CCDC57: variants seen among roughly 807,000 people sequenced by gnomAD.
The protein encoded by CCDC57 is coiled-coil domain-containing protein 57.
A neutral mutation model predicts 118.9 loss-of-function variants in CCDC57; 118 were observed. The ratio of observed to expected loss-of-function variants is 0.99; its 90% CI spans 0.86 to 1.16. The LOEUF (loss-of-function observed/expected upper bound fraction) is 1.16, where lower values mean the gene tolerates loss of function less well. CCDC57 is among the 50% of genes most tolerant of loss of function. The pLI is 0.00. For missense variants in CCDC57, 1,300 were observed against 1,320.7 expected (o/e 0.98, Z 0.24); for synonymous variants, 527 against 532.9 (o/e 0.99, Z 0.15).
intron 18 of CCDC57, 109 bp downstream of exon 17, chr17:82,128,384 A>T: frequency 1.4e-6 from 1 of 696,376 alleles, no homozygotes; most frequent in Non-Finnish European, 2.4e-6. Flanking sequence ...GCACAAAGGC[A>T]GGCATGCAGA....
intron 19 of CCDC57, chr17:82,126,867 C>G (rs752622344): frequency 1.0e-6 from 1 of 985,364 alleles, no homozygotes; most frequent in Non-Finnish European, 1.2e-6. Context: ...TGAGGCACAC[C>G]CTCATGACGG....
At chr17:82,182,303 A>G (rs1408065645) in intron 9 of CCDC57, among the ~76,000 whole-genome samples, 1 of 150,184 alleles carries the variant, frequency 6.7e-6, no homozygotes, top group Middle Eastern at 3.5e-3. Context: ...AGAATGCTGG[A>G]AGGAAGAGCT....
intron 16 of CCDC57, chr17:82,135,488 A>G (rs2039019489): frequency 6.6e-6 from 1 of 152,226 alleles, no homozygotes; most frequent in Non-Finnish European, 1.5e-5. Flanking sequence ...TCTGAGGAGC[A>G]TCGCAGGATT....
intron 17 of CCDC57, among the ~76,000 whole-genome samples, chr17:82,133,559 A>C (rs921101221): frequency 7.2e-6 from 1 of 138,594 alleles, no homozygotes; most frequent in Admixed American, 7.1e-5. Context: ...ATTTGTAATG[A>C]AAAAATAAAA....
intron 16 of CCDC57, among the ~76,000 whole-genome samples, chr17:82,143,563 G>A (rs984628098): frequency 2.0e-5 from 3 of 152,068 alleles, no homozygotes; most frequent in Non-Finnish European, 4.4e-5. Flanking sequence ...CAGGGAGCAC[G>A]TCTGACATGC....
intron 1 of CCDC57, among the ~76,000 whole-genome samples, chr17:82,210,085 A>G (rs1355644138): frequency 6.6e-6 from 1 of 152,144 alleles, no homozygotes; most frequent in African/African-American, 2.4e-5. Context: ...GGGACGTGCT[A>G]TAAGGACAGA....
chr17:82,144,311 TA>T lies in CCDC57; in HGVS notation c.2455+7248del, dbSNP rs373663387. Reference sequence around the variant, plus strand: ...TGTCAGAGCGAGACCCCATCTCTTTTAAAAAAAAAAGTAGTAGAAAAATGTC... The same window carrying T: ...TGTCAGAGCGAGACCCCATCTCTTTTAAAAAAAAAGTAGTAGAAAAATGTC... On this transcript the variant is annotated intron_variant, in intron 16 of 19. Transcript: ENST00000665763. 1.8e-4 allele frequency among the ~76,000 whole-genome samples: 27 copies of T among 148,976 alleles called. No homozygotes were observed. The South Asian group carries it at 2.1e-3, about 12-fold the overall frequency.
At chr17:82,148,071 T>G (rs1598902715) in intron 16 of CCDC57, among the ~76,000 whole-genome samples, 2 of 85,222 alleles carry the variant, frequency 2.3e-5, no homozygotes, top group Admixed American at 1.3e-4. Context: ...GATGGATGGG[T>G]GGGTAGATGG....
In CCDC57 at chr17:82,171,855, T is replaced by C. The variant is rs777704415; in HGVS notation, c.1730-2A>G. The C allele has an allele frequency of 1.2e-6, 2 of 1,610,282 alleles. No homozygotes were observed. Among genetic ancestry groups the C allele is most frequent in the Non-Finnish European group, 1.7e-6 (2 of 1,177,064 alleles). The stretch of plus-strand genomic sequence containing the variant: ...CTGCTTCAAGGGCCAGAACATAATC[T>C]GCCAAAAAAACCTCCAGTGAATATA... On this transcript the variant is annotated splice_acceptor_variant, in intron 12 of 19. Coordinates refer to ENST00000665763, the Ensembl canonical transcript of CCDC57. LOFTEE classifies it high-confidence loss of function.
intron 16 of CCDC57, among the ~76,000 whole-genome samples, chr17:82,141,750 C>T (rs1321142182): frequency 6.6e-6 from 1 of 152,160 alleles, no homozygotes; most frequent in Non-Finnish European, 1.5e-5. Flanking sequence ...CAACATCCGA[C>T]ATCCGCACAT....
intron 19 of CCDC57, among the ~76,000 whole-genome samples, chr17:82,123,074 C>T (rs1296136812): frequency 6.6e-6 from 1 of 151,704 alleles, no homozygotes; most frequent in Non-Finnish European, 1.5e-5. Context: ...ACTGGACCTA[C>T]CTGTAGCGTT....
exon 3 of CCDC57, chr17:82,201,884 A>G (rs769129138): frequency 2.5e-6 from 4 of 1,609,024 alleles, no homozygotes; most frequent in East Asian, 2.2e-5. Flanking sequence ...AGCGCCCTCC[A>G]CTCCTCCTCC....
chr17:82,174,535 C>T (rs970948912), intron 11 of CCDC57, among the ~76,000 whole-genome samples: 3 of 152,214 alleles, frequency 2.0e-5, no homozygotes, highest in Admixed American at 6.5e-5. Flanking sequence ...AACCCCCTTC[C>T]GCAAGGAGTT....
rs752264520 is a variant in CCDC57, at chr17:82,201,826, C to G, written c.119G>C (p.Arg40Pro). The change falls in exon 3 of 20, where the codon CGG (arginine) becomes CCG (proline). Residue 40 changes from arginine to proline, a missense_variant. By Grantham distance (103) the Arg-to-Pro change is moderately radical (BLOSUM62 -2). Transcript: ENST00000665763. ...CCCCTGCGCCTCCTCCAGCTGGCTC[C>G]GTGTGTCCTGCAGAGCCGCCTCCTG... 3.7e-6 allele frequency: 6 copies of G among 1,613,402 alleles called. No individual in the cohort carries two copies. The African/African-American group carries it at 8.0e-5, about 22-fold the overall frequency.
chr17:82,128,475 GGGC>G lies in CCDC57; in HGVS notation c.2682+15_2682+17del, dbSNP rs774213951. The G allele has an allele frequency of 9.1e-5, 139 of 1,527,960 alleles. No homozygotes were observed. In the Middle Eastern group the frequency reaches 1.1e-3, roughly 13 times the overall value. The allele number at this position is 1,527,960 out of a possible 1,614,324, so 94.7% of individuals were successfully genotyped here. On this transcript the variant is annotated intron_variant, in intron 18 of 19. Coordinates refer to ENST00000665763, the Ensembl canonical transcript of CCDC57. The stretch of plus-strand genomic sequence containing the variant: ...ACACCCCACACAGCTGCACTTGCTC[GGGC>G]GCCGCCACTCTCACCTTCGGGCCTT...
chr17:82,193,919 A>G, intron 6 of CCDC57, 63 bp downstream of exon 5: 1 of 1,576,846 alleles, frequency 6.3e-7, no homozygotes, highest in Non-Finnish European at 8.6e-7. Context: ...AATCCCCCAG[A>G]CTCCAGTCCT....
intron 9 of CCDC57, 101 bp from the exon 9 acceptor site, chr17:82,179,290 C>T (rs1047186980): frequency 7.4e-6 from 10 of 1,345,866 alleles, no homozygotes; most frequent in Admixed American, 2.2e-5. Flanking sequence ...GCTGTCCCTC[C>T]TGCTCTCGCA....
At chr17:82,102,691 T>C (rs919137223) in intron 19 of CCDC57, among the ~76,000 whole-genome samples, 1 of 152,032 alleles carries the variant, frequency 6.6e-6, no homozygotes, top group Non-Finnish European at 1.5e-5. Flanking sequence ...AAGACTAGCC[T>C]GGCCAACAAT....
exon 20 of CCDC57, chr17:82,101,746 T>C: frequency 6.2e-7 from 1 of 1,609,282 alleles, no homozygotes; most frequent in Non-Finnish European, 8.5e-7. Flanking sequence ...TTTTGCAGGA[T>C]GAGACCGGGA....
Sources: allele counts gnomAD v4.1 joint callset (sites outside exome capture counted in the v4.1 genomes callset), GRCh38; gene constraint gnomAD v4.1.1; transcripts MANE v1.5; gene names NCBI Gene and HGNC (gene_info 2026-07-23, HGNC 2026-07-21).